ASIC2: variants seen among roughly 807,000 people sequenced by gnomAD.
The protein encoded by ASIC2 is acid-sensing ion channel 2.
In ASIC2, 25 loss-of-function variants were observed where a neutral mutation model predicts 57.3. The ratio of observed to expected loss-of-function variants is 0.44; its 90% CI spans 0.32 to 0.61. ASIC2 has a LOEUF of 0.61. Ranked by LOEUF, ASIC2 falls within the 20% of genes least tolerant of loss-of-function variation. The pLI is 0.06. For synonymous variants in ASIC2, 319 were observed against 307.5 expected, an observed-to-expected ratio of 1.04 and a Z score of -0.39; for missense variants, 641 against 738.1, an observed-to-expected ratio of 0.87 and a Z score of 1.52.
chr17:33,254,763 C>T (rs932730536), intron 1 of ASIC2, among the ~76,000 whole-genome samples: 27 of 152,056 alleles, frequency 1.8e-4, no homozygotes, highest in African/African-American at 5.1e-4. Flanking sequence ...AGGAATAATG[C>T]TTACATTGTA....
chr17:34,034,514 C>A (rs1221116632), intron 1 of ASIC2, among the ~76,000 whole-genome samples: 1 of 152,060 alleles, frequency 6.6e-6, no homozygotes, highest in Admixed American at 6.6e-5. Context: ...CTGGCCAGGG[C>A]AATCAGGCAG....
At chr17:33,850,983 G>T (rs1243130602) in intron 1 of ASIC2, among the ~76,000 whole-genome samples, 1 of 152,190 alleles carries the variant, frequency 6.6e-6, no homozygotes, top group Non-Finnish European at 1.5e-5. Context: ...ACAGCCATGT[G>T]CAAGTGGACC....
At chr17:33,363,784 C>T (rs912367961) in intron 1 of ASIC2, among the ~76,000 whole-genome samples, 4 of 152,322 alleles carry the variant, frequency 2.6e-5, no homozygotes, top group Admixed American at 2.0e-4. Context: ...CCACACACGT[C>T]AGAAGGTTTG....
intron 1 of ASIC2, among the ~76,000 whole-genome samples, chr17:33,164,894 A>C (rs1332005211): frequency 6.6e-6 from 1 of 152,074 alleles, no homozygotes; most frequent in East Asian, 1.9e-4. Context: ...CCTAACCTCC[A>C]ACATGACAAT....
intron 1 of ASIC2, among the ~76,000 whole-genome samples, chr17:33,579,828 T>C (rs1904363875): frequency 6.6e-6 from 1 of 152,148 alleles, no homozygotes; most frequent in African/African-American, 2.4e-5. Context: ...GGCGTCTGGC[T>C]CGGGTGGGCT....
intron 1 of ASIC2, among the ~76,000 whole-genome samples, chr17:33,699,456 G>C (rs780951411): frequency 2.6e-5 from 4 of 152,208 alleles, no homozygotes; most frequent in Non-Finnish European, 5.9e-5. Context: ...GAATCCATTA[G>C]TGTGGGATTT....
In ASIC2 at chr17:33,181,768, G is replaced by A. The variant is rs531639329; in HGVS notation, c.709-69701C>T. 2.4e-3 allele frequency among the ~76,000 whole-genome samples: 362 copies of A among 152,262 alleles called. 2 individuals carry two copies. Among genetic ancestry groups the A allele is most frequent in the Non-Finnish European group, 3.5e-3 (239 of 68,022 alleles). Reference sequence around the variant, plus strand: ...CCAAATAAGGCCCTATTCACACACAGGTACCAGGGGCAAGGACTTGGAGAT... The same window carrying A: ...CCAAATAAGGCCCTATTCACACACAAGTACCAGGGGCAAGGACTTGGAGAT... On this transcript the variant is annotated intron_variant, in intron 1 of 9. Transcript: ENST00000225823.
chr17:33,690,565 A>G (rs1050435668), intron 1 of ASIC2, among the ~76,000 whole-genome samples: 33 of 152,198 alleles, frequency 2.2e-4, no homozygotes, highest in African/African-American at 7.9e-4. Flanking sequence ...CTCAATGCCA[A>G]AAACTAGTCA....
chr17:33,698,181 T>C (rs1567691922), intron 1 of ASIC2, among the ~76,000 whole-genome samples: 1 of 152,230 alleles, frequency 6.6e-6, no homozygotes, highest in African/African-American at 2.4e-5. Context: ...ATAGTTATTA[T>C]TATATAGGTG....
chr17:34,092,766 C>G (rs1057327058), intron 1 of ASIC2, among the ~76,000 whole-genome samples: 1 of 152,164 alleles, frequency 6.6e-6, no homozygotes, highest in East Asian at 1.9e-4. Flanking sequence ...GGAAATATAG[C>G]TGAAGCCCTC....
rs531062993 is a variant in ASIC2 at position 33,540,522 on chromosome 17, C to T, written c.556-428455G>A. Reference sequence around the variant, plus strand: ...TCAGGCTAGCTGGTCTACCTGGACCCTCTTAGGGAGGGTTCATCAGCCATG... The same window carrying T: ...TCAGGCTAGCTGGTCTACCTGGACCTTCTTAGGGAGGGTTCATCAGCCATG... On this transcript the variant is annotated intron_variant, in intron 1 of 9. Coordinates refer to the ASIC2 transcript ENST00000359872. Among the ~76,000 whole-genome samples, 13 of 152,166 alleles carry T rather than the reference C, an allele frequency of 8.5e-5. No individual in the cohort carries two copies. The South Asian group carries it at 2.5e-3, about 29-fold the overall frequency.
intron 1 of ASIC2, among the ~76,000 whole-genome samples, chr17:33,982,383 G>A (rs1338277732): frequency 6.6e-6 from 1 of 152,190 alleles, no homozygotes; most frequent in African/African-American, 2.4e-5. Flanking sequence ...TTCTTAATGG[G>A]CCTGGGGTCA....
chr17:33,662,633 A>AAATT (rs1567682560), intron 1 of ASIC2, among the ~76,000 whole-genome samples: 4 of 91,830 alleles, frequency 4.4e-5, no homozygotes, highest in Non-Finnish European at 8.6e-5. Flanking sequence ...AAAAATAAAT[A>AAATT]AATAAATAAA....
intron 2 of ASIC2, among the ~76,000 whole-genome samples, chr17:33,110,687 G>T (rs2141985847): frequency 6.6e-6 from 1 of 152,314 alleles, no homozygotes; most frequent in East Asian, 1.9e-4. Context: ...CTCCTGGGGT[G>T]GAAGCCCTCG....
intron 3 of ASIC2, among the ~76,000 whole-genome samples, chr17:33,075,170 T>A (rs1458227633): frequency 6.6e-6 from 1 of 152,176 alleles, no homozygotes; most frequent in Non-Finnish European, 1.5e-5. Flanking sequence ...ACTGTTCTCA[T>A]GGTAGTGAAT....
At chr17:33,746,468 A>G (rs1910270536) in intron 1 of ASIC2, among the ~76,000 whole-genome samples, 1 of 150,786 alleles carries the variant, frequency 6.6e-6, no homozygotes, top group South Asian at 2.1e-4. Context: ...GTATATGTGT[A>G]TATGTATGTA....
chr17:33,290,439 G>A (rs539811506), intron 1 of ASIC2, among the ~76,000 whole-genome samples: 4 of 152,332 alleles, frequency 2.6e-5, no homozygotes, highest in African/African-American at 9.6e-5. Context: ...GGCTGGACAG[G>A]CATGCATCAT....
intron 1 of ASIC2, among the ~76,000 whole-genome samples, chr17:33,780,289 C>T (rs924561791): frequency 2.6e-5 from 4 of 152,116 alleles, no homozygotes; most frequent in African/African-American, 9.7e-5. Flanking sequence ...ATGGTCTTAA[C>T]TGCCAGGCTA....
rs1416054321 is a variant in ASIC2, at chr17:33,013,257, A to T, written c.*708T>A. ...ATCGGACAAACATAAAAGCCCCCCT[A>T]CCCCAGATAAAAAGAATCAGACTGT... On this transcript the variant is annotated 3_prime_UTR_variant, in exon 10 of 10. Transcript: ENST00000225823. The T allele has an allele frequency of 6.6e-6, 1 of 152,318 alleles. No individual in the cohort carries two copies. Among genetic ancestry groups the T allele is most frequent in the Non-Finnish European group, 1.5e-5 (1 of 68,064 alleles). 9.4% of individuals were successfully genotyped at this position (152,318 alleles called of 1,614,324 possible).
Sources: gnomAD v4.1 joint callset for allele counts (sites outside exome capture counted in the v4.1 genomes callset) on GRCh38, gnomAD v4.1.1 for gene constraint, MANE v1.5 for transcripts, NCBI Gene and HGNC (gene_info 2026-07-23, HGNC 2026-07-21) for gene names.